HCRTR2: variants seen among roughly 807,000 people sequenced by gnomAD.
The protein encoded by HCRTR2 is orexin receptor type 2.
A neutral mutation model predicts 49.0 loss-of-function variants in HCRTR2; 22 were observed. The observed-to-expected ratio is 0.45, with a 90% CI of 0.32 to 0.64. The LOEUF is 0.64. Among genes scored for constraint, HCRTR2 ranks in the 30% least tolerant of loss-of-function variants. The pLI, the probability that HCRTR2 is intolerant of heterozygous loss-of-function variation, is 0.04. For missense variants in HCRTR2, 491 were observed against 559.4 expected (o/e 0.88, Z 1.23); for synonymous variants, 236 against 205.3 (o/e 1.15, Z -1.28).
upstream of HCRTR2, among the ~76,000 whole-genome samples, chr6:55,170,161 C>T (rs1764928171): frequency 1.3e-5 from 2 of 151,230 alleles, no homozygotes; most frequent in Non-Finnish European, 2.9e-5. Flanking sequence ...GGTATTTAAA[C>T]AGAATTATTC....
At chr6:55,200,832 G>T (rs766001569) in intron 1 of HCRTR2, among the ~76,000 whole-genome samples, 2 of 151,790 alleles carry the variant, frequency 1.3e-5, no homozygotes, top group Non-Finnish European at 2.9e-5. Context: ...ATTCTGTTTA[G>T]ATATTTAGAA....
In HCRTR2 at chr6:55,280,316, C is replaced by G. The variant is rs1767164193; in HGVS notation, c.984-7C>G. On this transcript the variant is annotated splice_polypyrimidine_tract_variant and splice_region_variant and intron_variant, in intron 5 of 6. Transcript: ENST00000370862. ...AAGACACTTTTCTGTTGTTTCTTTT[C>G]CTGCAGAGTATTTGGGATGTTTGCC... The G allele has an allele frequency of 6.4e-7, 1 of 1,566,612 alleles. No homozygotes were observed. Among genetic ancestry groups the G allele is most frequent in the South Asian group, 1.1e-5 (1 of 89,928 alleles).
chr6:55,128,153 T>C (rs551181425), intron 1 of HCRTR2, among the ~76,000 whole-genome samples: 1 of 152,202 alleles, frequency 6.6e-6, no homozygotes, highest in Non-Finnish European at 1.5e-5. Flanking sequence ...TGGCTAGTTA[T>C]CCCAGCACCA....
At chr6:55,116,550 T>C (rs1764119323) in intron 1 of HCRTR2, among the ~76,000 whole-genome samples, 1 of 151,302 alleles carries the variant, frequency 6.6e-6, no homozygotes, top group Non-Finnish European at 1.5e-5. Flanking sequence ...GAGAAAAGAA[T>C]CACCAATTTG....
chr6:55,195,494 G>A (rs959528905), intron 1 of HCRTR2, among the ~76,000 whole-genome samples: 2 of 152,090 alleles, frequency 1.3e-5, no homozygotes, highest in Admixed American at 1.3e-4. Context: ...CAAATGTCAG[G>A]AATTGATCCA....
At chr6:55,174,255 T>C (rs1764993696), upstream of HCRTR2, 1 of 333,448 alleles carries the variant, frequency 3.0e-6, no homozygotes, top group Admixed American at 4.1e-5. Flanking sequence ...GGCTGCGGAC[T>C]GAGTGCTGGA....
chr6:55,222,719 G>T (rs1264755452), intron 1 of HCRTR2, among the ~76,000 whole-genome samples: 1 of 152,130 alleles, frequency 6.6e-6, no homozygotes, highest in East Asian at 1.9e-4. Flanking sequence ...CTTCTATGAA[G>T]TATCTAAAGT....
chr6:55,151,797 A>G (rs2127258258), intron 1 of HCRTR2, among the ~76,000 whole-genome samples: 1 of 152,024 alleles, frequency 6.6e-6, no homozygotes, highest in African/African-American at 2.4e-5. Context: ...ATTTCTTAAA[A>G]AAAAAAACAC....
intron 2 of HCRTR2, among the ~76,000 whole-genome samples, chr6:55,253,573 C>A (rs1336824539): frequency 1.3e-5 from 2 of 152,088 alleles, no homozygotes; most frequent in African/African-American, 4.8e-5. Flanking sequence ...AAGACACATG[C>A]AAGTATACGT....
intron 1 of HCRTR2, among the ~76,000 whole-genome samples, chr6:55,206,314 C>T (rs1177233636): frequency 6.6e-6 from 1 of 151,952 alleles, no homozygotes; most frequent in Non-Finnish European, 1.5e-5. Flanking sequence ...TTAAAATAGT[C>T]ATAAAATGTA....
intron 1 of HCRTR2, among the ~76,000 whole-genome samples, chr6:55,236,875 C>T (rs1339739548): frequency 6.6e-6 from 1 of 152,080 alleles, no homozygotes; most frequent in Admixed American, 6.5e-5. Context: ...AATGTATTTG[C>T]CTTGCCAATA....
chr6:55,274,084 T>C (rs1276416230), intron 4 of HCRTR2, among the ~76,000 whole-genome samples: 2 of 151,518 alleles, frequency 1.3e-5, no homozygotes. Flanking sequence ...AAAAAGACTG[T>C]CGTGGTATTG....
chr6:55,139,878 T>C (rs545563015), intron 1 of HCRTR2, among the ~76,000 whole-genome samples: 94 of 152,346 alleles, frequency 6.2e-4, no homozygotes, highest in African/African-American at 2.2e-3. Context: ...GATTTTTTTC[T>C]AGAAAGTGAG....
chr6:55,149,184 T>C (rs1231323508), intron 1 of HCRTR2, among the ~76,000 whole-genome samples: 2 of 152,148 alleles, frequency 1.3e-5, no homozygotes, highest in Non-Finnish European at 2.9e-5. Flanking sequence ...AAAGCTGTTT[T>C]ATTTTTTTTC....
At chr6:55,177,893 A>C (rs1247793946) in intron 1 of HCRTR2, among the ~76,000 whole-genome samples, 1 of 152,192 alleles carries the variant, frequency 6.6e-6, no homozygotes, top group Non-Finnish European at 1.5e-5. Context: ...ACATTCAATG[A>C]AAAGCTGTAA....
chr6:55,106,947 GACTATCTGTAATTCAAGGAGT>G (rs1480521341), intron 1 of HCRTR2, among the ~76,000 whole-genome samples: 1 of 152,028 alleles, frequency 6.6e-6, no homozygotes, highest in African/African-American at 2.4e-5. Context: ...AGACAGAGGT[GACTATCTGTAATTCAAGGAGT>G]CATGAAAGCA....
At chr6:55,210,127 C>A (rs1408283429) in intron 1 of HCRTR2, among the ~76,000 whole-genome samples, 1 of 151,936 alleles carries the variant, frequency 6.6e-6, no homozygotes, top group African/African-American at 2.4e-5. Flanking sequence ...CTCAGTATGG[C>A]CACTTTTATG....
chr6:55,110,871 C>A (rs1479236977), intron 1 of HCRTR2, among the ~76,000 whole-genome samples: 2 of 152,032 alleles, frequency 1.3e-5, no homozygotes, highest in African/African-American at 2.4e-5. Flanking sequence ...CCTAGACAAA[C>A]AAACTTAACA....
chr6:55,237,341 C>A (rs543404534), intron 1 of HCRTR2, among the ~76,000 whole-genome samples: 1 of 152,120 alleles, frequency 6.6e-6, no homozygotes, highest in Non-Finnish European at 1.5e-5. Flanking sequence ...ACCACTATCC[C>A]GTCAGTCACT....
Sources: gnomAD v4.1 joint callset for allele counts (sites outside exome capture counted in the v4.1 genomes callset) on GRCh38, gnomAD v4.1.1 for gene constraint, MANE v1.5 for transcripts, NCBI Gene and HGNC (gene_info 2026-07-23, HGNC 2026-07-21) for gene names.